Variants in SLC9B1 observed in about 807,000 individuals in gnomAD.
The protein encoded by SLC9B1 is solute carrier family 9 member B1, also known as sodium/hydrogen exchanger 9B1.
In SLC9B1, 32 loss-of-function variants were observed where a neutral mutation model predicts 51.7. That is an observed-to-expected ratio of 0.62 (90% CI 0.47 to 0.83). The LOEUF is 0.83. Among genes scored for constraint, SLC9B1 ranks in the 40% least tolerant of loss-of-function variants. SLC9B1 has a pLI of 0.00. For missense variants in SLC9B1, 406 were observed against 613.2 expected (o/e 0.66, Z 3.57); for synonymous variants, 145 against 212.7 (o/e 0.68, Z 2.77).
At chr4:102,972,055 CAG>C (rs1738791422) in intron 3 of SLC9B1, among the ~76,000 whole-genome samples, 1 of 152,104 alleles carries the variant, frequency 6.6e-6, no homozygotes, top group Admixed American at 6.6e-5. Flanking sequence ...TGAATTCTAC[CAG>C]AGGTACAAAG....
intron 9 of SLC9B1, among the ~76,000 whole-genome samples, chr4:102,910,108 C>T (rs1480853897): frequency 6.6e-6 from 1 of 152,014 alleles, no homozygotes; most frequent in Non-Finnish European, 1.5e-5. Flanking sequence ...AGCCACCGTC[C>T]CCGGCCTTTT....
chr4:102,885,490 T>A, intron 11 of SLC9B1: 3 of 1,282,602 alleles, frequency 2.3e-6, no homozygotes, highest in South Asian at 2.4e-5. Context: ...TTTCGCCTCT[T>A]AAATCCCCAG....
chr4:102,930,026 A>G (rs1391306315), intron 7 of SLC9B1, among the ~76,000 whole-genome samples: 2 of 152,262 alleles, frequency 1.3e-5, no homozygotes, highest in Admixed American at 1.3e-4. Flanking sequence ...AATTTAATGC[A>G]GAATCTTGAC....
chr4:102,962,770 A>G, intron 3 of SLC9B1: 1 of 474,920 alleles, frequency 2.1e-6, no homozygotes, highest in Non-Finnish European at 4.3e-6. Flanking sequence ...TTAAGGAGAA[A>G]TACTGTTACA....
intron 3 of SLC9B1, among the ~76,000 whole-genome samples, chr4:102,974,452 T>G (rs949692745): frequency 6.6e-6 from 1 of 151,666 alleles, no homozygotes; most frequent in Non-Finnish European, 1.5e-5. Flanking sequence ...AAGGCATAAA[T>G]AAGCAATATT....
At chr4:102,967,414 G>A (rs1430800004) in intron 3 of SLC9B1, among the ~76,000 whole-genome samples, 1 of 152,178 alleles carries the variant, frequency 6.6e-6, no homozygotes, top group East Asian at 1.9e-4. Flanking sequence ...GAATACCGGA[G>A]ACTGAGTAAT....
intron 11 of SLC9B1, among the ~76,000 whole-genome samples, chr4:102,894,935 A>G (rs1056011457): frequency 5.9e-5 from 9 of 152,208 alleles, no homozygotes; most frequent in African/African-American, 1.7e-4. Context: ...CCTGTCTCAA[A>G]AAAACAAACA....
Position 102,934,385 on chromosome 4 carries a change from T to A in SLC9B1, c.654-2086A>T, listed in dbSNP as rs1468633271. ...TCATACAATTGGTATTTTAAATCAG[T>A]GGGAGAAAGAAAGAAATCTTTCATA... On this transcript the variant is annotated intron_variant, in intron 6 of 11. Transcript: ENST00000296422. Among the ~76,000 whole-genome samples the A allele has an allele frequency of 2.6e-5, 4 of 152,120 alleles. No individual in the cohort carries two copies. In the East Asian group the frequency reaches 7.7e-4, roughly 29 times the overall value.
chr4:102,950,606 G>C (rs769975328), intron 3 of SLC9B1, among the ~76,000 whole-genome samples: 1 of 152,146 alleles, frequency 6.6e-6, no homozygotes, highest in Non-Finnish European at 1.5e-5. Context: ...CTCACTCCAG[G>C]CAGAAAGTTA....
At chr4:103,004,603 A>G (rs929114015) in intron 1 of SLC9B1, among the ~76,000 whole-genome samples, 1 of 152,180 alleles carries the variant, frequency 6.6e-6, no homozygotes, top group Non-Finnish European at 1.5e-5. Flanking sequence ...GATACTATAC[A>G]CAATGACCAT....
chr4:103,016,385 C>G (rs559908428), intron 1 of SLC9B1, among the ~76,000 whole-genome samples: 1 of 152,136 alleles, frequency 6.6e-6, no homozygotes, highest in South Asian at 2.1e-4. Context: ...CTATTACCTC[C>G]ATTTCTTGGC....
At chr4:102,913,519 A>C (rs1481215404) in intron 7 of SLC9B1, among the ~76,000 whole-genome samples, 1 of 152,178 alleles carries the variant, frequency 6.6e-6, no homozygotes, top group Non-Finnish European at 1.5e-5. Context: ...GAGCAGTGGC[A>C]GTTTTTTCAA....
rs546044540 is a variant in SLC9B1, at chr4:102,974,159, C to T, written c.211+15641G>A. On this transcript the variant is annotated intron_variant, in intron 3 of 11. Coordinates refer to ENST00000296422, the MANE Select transcript of SLC9B1 (RefSeq NM_139173.4). ...GGCTGAGGCAGAAGAATTGCTTGAG[C>T]TGGGGAGGCAGAGGTTGCAGTGAGC... Among the ~76,000 whole-genome samples the T allele has an allele frequency of 1.4e-3, 187 of 134,730 alleles. 7 individuals carry two copies. The East Asian group carries it at 0.037, about 27-fold the overall frequency. 88.4% of individuals were successfully genotyped at this position (134,730 alleles called of 152,430 possible). A position where few individuals can be genotyped will look rare whatever the true frequency, so the allele number is the denominator to read the frequency against.
At chr4:102,970,858 C>T (rs1738719516) in intron 3 of SLC9B1, among the ~76,000 whole-genome samples, 1 of 152,110 alleles carries the variant, frequency 6.6e-6, no homozygotes, top group African/African-American at 2.4e-5. Context: ...ATAAAGCAGA[C>T]TTTAAACCAA....
chr4:102,986,244 G>T (rs1739612974), intron 3 of SLC9B1, among the ~76,000 whole-genome samples: 1 of 116,446 alleles, frequency 8.6e-6, no homozygotes, highest in Non-Finnish European at 1.7e-5. Context: ...AGAATTCTAA[G>T]GCTGGTGTTG....
exon 12 of SLC9B1, chr4:102,885,245 C>T (rs1362811748): frequency 2.5e-6 from 4 of 1,614,078 alleles, no homozygotes; most frequent in East Asian, 2.2e-5. Context: ...ATTGCCTTTC[C>T]TTGGTGTACT....
At chr4:102,886,852 T>C (rs1433919544) in intron 11 of SLC9B1, among the ~76,000 whole-genome samples, 10 of 152,212 alleles carry the variant, frequency 6.6e-5, no homozygotes, top group Non-Finnish European at 1.0e-4. Context: ...TGATGTCAAG[T>C]GATTTGTCTA....
chr4:102,991,146 AC>A (rs1302015033), intron 2 of SLC9B1, among the ~76,000 whole-genome samples: 4 of 152,018 alleles, frequency 2.6e-5, no homozygotes, highest in Admixed American at 2.6e-4. Flanking sequence ...TGACTTTTTG[AC>A]CCTTAAGAAC....
intron 7 of SLC9B1, among the ~76,000 whole-genome samples, chr4:102,921,561 T>C (rs1319850380): frequency 2.6e-5 from 4 of 152,158 alleles, no homozygotes; most frequent in Non-Finnish European, 5.9e-5. Context: ...CACATAACAA[T>C]ATTAACCATA....
Sources: gnomAD v4.1 joint callset for allele counts (sites outside exome capture counted in the v4.1 genomes callset) on GRCh38, gnomAD v4.1.1 for gene constraint, MANE v1.5 for transcripts, NCBI Gene and HGNC (gene_info 2026-07-23, HGNC 2026-07-21) for gene names.